USP10: variants seen among roughly 807,000 people sequenced by gnomAD.
The protein encoded by USP10 is ubiquitin carboxyl-terminal hydrolase 10.
Under a neutral mutation model 84.5 loss-of-function variants are expected in USP10, and 22 were observed. The ratio of observed to expected loss-of-function variants is 0.26; its 90% CI spans 0.19 to 0.37. The LOEUF (loss-of-function observed/expected upper bound fraction) is 0.37. Among genes scored for constraint, USP10 ranks in the 10% least tolerant of loss-of-function variants. The pLI, the probability that USP10 is intolerant of heterozygous loss-of-function variation, is 1.00. For missense variants in USP10, 1,019 were observed against 998.9 expected, an observed-to-expected ratio of 1.02 and a Z score of -0.27; for synonymous variants, 454 against 387.6, an observed-to-expected ratio of 1.17 and a Z score of -2.01.
chr16:84,771,018 C>G (rs112279843), intron 11 of USP10, among the ~76,000 whole-genome samples: 25 of 150,064 alleles, frequency 1.7e-4, no homozygotes, highest in African/African-American at 6.1e-4. Context: ...GATCGCACCA[C>G]TGCACTCCAG....
intron 1 of USP10, among the ~76,000 whole-genome samples, chr16:84,700,974 G>T (rs936479535): frequency 2.0e-5 from 3 of 151,884 alleles, no homozygotes; most frequent in Non-Finnish European, 4.4e-5. Context: ...TTATTTGTCA[G>T]CCTTGCTTTA....
intron 4 of USP10, among the ~76,000 whole-genome samples, chr16:84,746,584 A>G (rs562990476): frequency 2.0e-5 from 3 of 152,334 alleles, no homozygotes; most frequent in African/African-American, 7.2e-5. Flanking sequence ...GATATGGTAT[A>G]AAGGATGAAA....
At chr16:84,749,965 C>G (rs1911715468) in intron 4 of USP10, among the ~76,000 whole-genome samples, 1 of 152,044 alleles carries the variant, frequency 6.6e-6, no homozygotes, top group Non-Finnish European at 1.5e-5. Flanking sequence ...AGCGTGTGAA[C>G]TGAATACTCA....
At chr16:84,756,813 CTAGAAATGATAG>C (rs1912598878) in intron 4 of USP10, among the ~76,000 whole-genome samples, 1 of 152,146 alleles carries the variant, frequency 6.6e-6, no homozygotes, top group Non-Finnish European at 1.5e-5. Flanking sequence ...GTGGCACACA[CTAGAAATGATAG>C]ACTGTTGTGA....
At chr16:84,757,125 C>T (rs1038498281) in intron 4 of USP10, among the ~76,000 whole-genome samples, 12 of 152,174 alleles carry the variant, frequency 7.9e-5, no homozygotes, top group African/African-American at 2.9e-4. Context: ...CAGTGTCCCT[C>T]ACATGACAGG....
intron 1 of USP10, among the ~76,000 whole-genome samples, chr16:84,725,072 A>G (rs1467149942): frequency 1.3e-5 from 2 of 152,212 alleles, no homozygotes; most frequent in Admixed American, 1.3e-4. Flanking sequence ...TATTTGAATA[A>G]ATATGCATTT....
At chr16:84,741,319 A>G (rs1910593430) in intron 3 of USP10, among the ~76,000 whole-genome samples, 1 of 152,190 alleles carries the variant, frequency 6.6e-6, no homozygotes, top group Non-Finnish European at 1.5e-5. Flanking sequence ...TAATAAAATG[A>G]ATGAAGCTTG....
intron 2 of USP10, among the ~76,000 whole-genome samples, chr16:84,738,655 G>T (rs1910238738): frequency 6.6e-6 from 1 of 152,212 alleles, no homozygotes; most frequent in South Asian, 2.1e-4. Context: ...GTACTAGGTT[G>T]CCCCCTGGTG....
intron 1 of USP10, among the ~76,000 whole-genome samples, chr16:84,705,473 C>T (rs1352939450): frequency 6.6e-6 from 1 of 151,778 alleles, no homozygotes. Context: ...CCTCACGATC[C>T]GCCCACCTCG....
chr16:84,706,265 A>T (rs1905490103), intron 1 of USP10, among the ~76,000 whole-genome samples: 1 of 152,126 alleles, frequency 6.6e-6, no homozygotes, highest in African/African-American at 2.4e-5. Flanking sequence ...AGAGGATTTG[A>T]AAATGAAGTT....
rs1274656238 is a variant in USP10, at chr16:84,764,123, C to A, written c.1692C>A (p.Val564=). The A allele has an allele frequency of 4.3e-6, 7 of 1,613,576 alleles. No homozygotes were observed. Among genetic ancestry groups the A allele is most frequent in the Non-Finnish European group, 5.9e-6 (7 of 1,179,796 alleles). ...TISNGPKNHS[V]NEEEQEEQGE... ...CCAACGGCCCCAAAAACCACTCGGT[C>A]AATGAAGAAGAGCAGGAAGAACAAG... Residue 564 remains valine (V), a synonymous_variant, in exon 10 of 14, where the codon GTC becomes GTA. Transcript: ENST00000219473.
chr16:84,737,667 C>T (rs1265552566), intron 2 of USP10, among the ~76,000 whole-genome samples: 1 of 152,220 alleles, frequency 6.6e-6, no homozygotes, highest in Non-Finnish European at 1.5e-5. Context: ...CTCACCAGAT[C>T]CCTGCTGTGC....
chr16:84,772,858 A>C (rs1164666643), intron 12 of USP10, among the ~76,000 whole-genome samples, 173 bp downstream of exon 12: 1 of 152,204 alleles, frequency 6.6e-6, no homozygotes, highest in African/African-American at 2.4e-5. Flanking sequence ...ATTCTCATGA[A>C]AATGGCCTGT....
chr16:84,712,596 C>A (rs186218472), intron 1 of USP10, among the ~76,000 whole-genome samples: 1 of 152,250 alleles, frequency 6.6e-6, no homozygotes, highest in East Asian at 1.9e-4. Flanking sequence ...AGTTCAGGAC[C>A]ACAGCATGCA....
At chr16:84,722,356 G>C (rs1907922472) in intron 1 of USP10, among the ~76,000 whole-genome samples, 1 of 152,176 alleles carries the variant, frequency 6.6e-6, no homozygotes, top group Non-Finnish European at 1.5e-5. Flanking sequence ...CATTTTTGTT[G>C]TTCCCACTGT....
intron 1 of USP10, among the ~76,000 whole-genome samples, chr16:84,724,294 C>G (rs754204047): frequency 6.6e-6 from 1 of 152,136 alleles, no homozygotes; most frequent in Non-Finnish European, 1.5e-5. Context: ...GAGATTCAAT[C>G]TGAATTCAAT....
intron 1 of USP10, among the ~76,000 whole-genome samples, chr16:84,728,401 G>A (rs1423153846): frequency 6.6e-6 from 1 of 151,194 alleles, no homozygotes; most frequent in Non-Finnish European, 1.5e-5. Context: ...GTTCAGTGGT[G>A]CGATCTCGGC....
intron 9 of USP10, among the ~76,000 whole-genome samples, chr16:84,763,875 C>A (rs967544697): frequency 6.7e-6 from 1 of 150,232 alleles, no homozygotes; most frequent in Non-Finnish European, 1.5e-5. Context: ...GCACCTGTTG[C>A]GATTGGTTGC....
At chr16:84,747,466 C>G (rs1334339251) in intron 4 of USP10, among the ~76,000 whole-genome samples, 1 of 150,462 alleles carries the variant, frequency 6.6e-6, no homozygotes, top group East Asian at 2.0e-4. Context: ...CTCAGGTACT[C>G]TTGTTGTTCT....
Sources: gnomAD v4.1 joint callset for allele counts (sites outside exome capture counted in the v4.1 genomes callset) on GRCh38, gnomAD v4.1.1 for gene constraint, MANE v1.5 for transcripts, NCBI Gene and HGNC (gene_info 2026-07-23, HGNC 2026-07-21) for gene names.